PRPF40B: variants seen among roughly 807,000 people sequenced by gnomAD.
PRPF40B encodes pre-mRNA processing factor 40B, also known as pre-mRNA-processing factor 40 homolog B.
In PRPF40B, 56 loss-of-function variants were observed where a neutral mutation model predicts 124.5. That is an observed-to-expected ratio of 0.45 (90% CI 0.36 to 0.56). PRPF40B has a LOEUF of 0.56. PRPF40B is among the 20% of genes least tolerant of loss of function. The pLI, the probability that PRPF40B is intolerant of heterozygous loss-of-function variation, is 0.00. For synonymous variants in PRPF40B, 443 were observed against 426.4 expected (o/e 1.04, Z -0.48); for missense variants, 1,053 against 1,169.5 (o/e 0.90, Z 1.45).
At chr12:49,638,323 G>C (rs1020871996) in intron 18 of PRPF40B, 1 of 153,828 alleles carries the variant, frequency 6.5e-6, no homozygotes, top group Non-Finnish European at 1.4e-5. Flanking sequence ...TAGAAAATCT[G>C]AATCTTTAGC....
rs759164091 is a variant in PRPF40B, at chr12:49,631,170, C to T, written c.85-231C>T. ...CCCTTATTCCTTTCCTTTCCCGTTA[C>T]AATTAAGAAGCTGTGTGCTTGCCTG... is the stretch of plus-strand genomic sequence containing the variant. On this transcript the variant is annotated intron_variant, in intron 2 of 25. Transcript: ENST00000548825. The surrounding 1 kb of genome is among the most constrained non-coding windows in gnomAD (Gnocchi z 4.3). Among the ~76,000 whole-genome samples, 1 of 152,106 alleles carries T rather than the reference C, an allele frequency of 6.6e-6. No individual in the cohort carries two copies. Among genetic ancestry groups the T allele is most frequent in the Non-Finnish European group, 1.5e-5 (1 of 68,040 alleles).
intron 18 of PRPF40B, 140 bp downstream of exon 18, chr12:49,637,964 C>CT: frequency 1.5e-6 from 1 of 661,444 alleles, no homozygotes; most frequent in East Asian, 2.7e-5. Flanking sequence ...TTACTGCACA[C>CT]TAGGGATACA....
intron 23 of PRPF40B, 72 bp downstream of exon 23, chr12:49,643,469 C>A (rs1308622553): frequency 6.6e-7 from 1 of 1,504,214 alleles, no homozygotes; most frequent in Non-Finnish European, 8.9e-7. Flanking sequence ...TCCACAAGCC[C>A]CAGCTCCTTT....
intron 1 of PRPF40B, among the ~76,000 whole-genome samples, chr12:49,628,582 G>A (rs1008137694): frequency 4.2e-5 from 6 of 141,350 alleles, no homozygotes; most frequent in African/African-American, 1.3e-4. Flanking sequence ...TTTTTTTTTG[G>A]AGACGAAATC....
In PRPF40B at chr12:49,642,205, G is replaced by A; in HGVS notation, c.1885-30G>A. The A allele has an allele frequency of 6.2e-7, 1 of 1,614,048 alleles. No individual in the cohort carries two copies. The highest frequency in any genetic ancestry group is 8.5e-7 in the Non-Finnish European group (1 of 1,179,990). ...GGACCTGGCATCCACCCTCCTGGGT[G>A]ACCCTGTTCCGTGTCCCTTCTTTCC... On this transcript the variant is annotated intron_variant, in intron 19 of 25. Coordinates refer to ENST00000548825, the MANE Select transcript of PRPF40B (RefSeq NM_001031698.3). This position sits in a 1 kb window ranked among gnomAD's most constrained non-coding sequence, Gnocchi z 5.8.
chr12:49,643,962 G>C lies in PRPF40B; in HGVS notation c.2544G>C (p.Glu848Asp). The C allele has an allele frequency of 6.2e-7, 1 of 1,614,206 alleles. No individual in the cohort carries two copies. Among genetic ancestry groups the C allele is most frequent in the Non-Finnish European group, 8.5e-7 (1 of 1,180,034 alleles). ...AGGACAGGGAGCTCCAACAGGCAGA[G>C]CTCCCTAACCGTTCCCCAGGCTTTG... ...QDKDRELQQA[E>D]LPNRSPGFGI... is the part of the protein sequence containing the mutation. The change falls in exon 25 of 26, where the codon GAG becomes GAC. Residue 848 changes from glutamate to aspartate, a missense_variant. By Grantham distance (45) the Glu-to-Asp change is conservative. This residue lies in a region of PRPF40B where 895 missense variants were observed against 1,052.2 expected (regional missense o/e 0.85). Transcript: ENST00000548825.
Position 49,630,579 on chromosome 12 carries a change from C to T in PRPF40B, c.38C>T (p.Ala13Val), listed in dbSNP as rs374126585. The change falls in exon 2 of 26, where the codon GCG (alanine) becomes GTG (valine). Residue 13 changes from alanine to valine, a missense_variant. This residue lies in a region of PRPF40B where 158 missense variants were observed against 117.3 expected (regional missense o/e 1.35). Transcript: ENST00000548825. ...GATTCTGGTCCCCGGCCCCCAGCAG[C>T]GCCTGCCCCCTTCCCACCGGGGCCC... is the stretch of plus-strand genomic sequence containing the variant. ...VPDSGPRPPA[A>V]PAPFPPGPPM... The T allele has an allele frequency of 1.4e-5, 20 of 1,426,812 alleles. No homozygotes were observed. Among genetic ancestry groups the T allele is most frequent in the South Asian group, 1.1e-4 (9 of 84,726 alleles). 88.4% of individuals were successfully genotyped at this position (1,426,812 alleles called of 1,614,324 possible).
chr12:49,623,231 C>G (rs1940355619), upstream of PRPF40B, among the ~76,000 whole-genome samples: 1 of 151,944 alleles, frequency 6.6e-6, no homozygotes, highest in African/African-American at 2.4e-5. Flanking sequence ...TGCGTGAACG[C>G]TTCGGCTCCT....
chr12:49,641,904 A>G lies in PRPF40B; in HGVS notation c.1768-4A>G, dbSNP rs1942717720. ...CCCTGCTTCATGCACTGCTGTACCC[A>G]CAGGACCGGGGCTTCTGCGTGGAGG... is the stretch of plus-strand genomic sequence containing the variant. On this transcript the variant is annotated splice_region_variant and splice_polypyrimidine_tract_variant and intron_variant, in intron 18 of 25. Transcript: ENST00000548825. 1 of 1,612,570 alleles carries G rather than the reference A, an allele frequency of 6.2e-7. No homozygotes were observed. The highest frequency in any genetic ancestry group is 8.5e-7 in the Non-Finnish European group (1 of 1,179,892).
chr12:49,629,664 C>A (rs765634043), intron 1 of PRPF40B, among the ~76,000 whole-genome samples: 9 of 152,090 alleles, frequency 5.9e-5, no homozygotes, highest in Non-Finnish European at 1.2e-4. Flanking sequence ...CATATCCAGG[C>A]AAACATAATA....
Position 49,634,565 on chromosome 12 carries a change from C to G in PRPF40B, c.964C>G (p.Gln322Glu). The G allele has an allele frequency of 6.2e-7, 1 of 1,614,210 alleles. No individual in the cohort carries two copies. Among genetic ancestry groups the G allele is most frequent in the Non-Finnish European group, 8.5e-7 (1 of 1,180,026 alleles). Residue 322 changes from glutamine to glutamate, a missense_variant, in exon 12 of 26, where the codon CAG (glutamine) becomes GAG (glutamate). By Grantham distance (29) the Gln-to-Glu change is conservative. Around this residue, in one of 2 missense-constraint regions of PRPF40B, gnomAD observed 895 missense variants for 1,052.2 expected, o/e 0.85. Transcript: ENST00000548825. ...KAVPSNASWE[Q>E]AMKMVVTDPR... Reference sequence around the variant, plus strand: ...TGTCCCCTCCAATGCCTCATGGGAACAGGCCATGAAGATGGTGGTCACCGA... The same window carrying G: ...TGTCCCCTCCAATGCCTCATGGGAAGAGGCCATGAAGATGGTGGTCACCGA...
rs762096751 is a variant in PRPF40B, at chr12:49,643,237, A to C, written c.2220A>C (p.Glu740Asp). The C allele has an allele frequency of 3.1e-6, 5 of 1,614,092 alleles. No homozygotes were observed. The South Asian group carries it at 5.5e-5, about 18-fold the overall frequency. ...GATCTGCCCAGGGCTCTGAGTCAGA[A>C]GAAGAGGAGCTGCCCCCACCATCTC... ...RSHSPSGSES[E>D]EEELPPPSLR... is the part of the protein sequence containing the mutation. Residue 740 changes from glutamate (E) to aspartate (D), a missense_variant, in exon 23 of 26, where the codon GAA becomes GAC. Coordinates refer to ENST00000548825, the MANE Select transcript of PRPF40B (RefSeq NM_001031698.3).
Position 49,631,644 on chromosome 12 carries a change from AG to A in PRPF40B, c.228+103del. The stretch of plus-strand genomic sequence containing the variant: ...GTAGGCCTCAGAAACTGGGGAAGGA[AG>A]GGAGCTTTGGGCCAAACCCATGTGG... On this transcript the variant is annotated intron_variant, in intron 3 of 25. Transcript: ENST00000548825. This position sits in a 1 kb window ranked among gnomAD's most constrained non-coding sequence, Gnocchi z 4.3. 6.9e-7 allele frequency: 1 copy of A among 1,442,030 alleles called. No individual in the cohort carries two copies. Among genetic ancestry groups the A allele is most frequent in the Non-Finnish European group, 9.5e-7 (1 of 1,056,986 alleles). The allele number at this position is 1,442,030 out of a possible 1,614,324, so 89.3% of individuals were successfully genotyped here.
intron 1 of PRPF40B, among the ~76,000 whole-genome samples, chr12:49,627,304 GAAA>G (rs1264630119): frequency 6.6e-6 from 1 of 152,070 alleles, no homozygotes; most frequent in Admixed American, 6.6e-5. Context: ...ATGCCAAATA[GAAA>G]AATAATATAA....
intron 8 of PRPF40B, 22 bp from the exon 9 acceptor site, chr12:49,633,615 G>GAC (rs774118549): frequency 3.7e-5 from 60 of 1,614,136 alleles, no homozygotes; most frequent in Non-Finnish European, 4.7e-5. Context: ...GTGACTGACT[G>GAC]TGTTATCTTT....
rs1323518453 is a variant in PRPF40B at position 49,635,810 on chromosome 12, G to T, written c.1276-33G>T. On this transcript the variant is annotated intron_variant, in intron 14 of 25. Transcript: ENST00000548825. This position sits in a 1 kb window ranked among gnomAD's most constrained non-coding sequence, Gnocchi z 4.1. ...AGGCCTACTTGGGTAGCTCTGGCCT[G>T]CCCTGCCTCACCCTGATCCTGTGGC... 1 of 1,610,946 alleles carries T rather than the reference G, an allele frequency of 6.2e-7. No homozygotes were observed. The highest frequency in any genetic ancestry group is 1.1e-5 in the South Asian group (1 of 90,988).
rs765141072 is a variant in PRPF40B, at chr12:49,644,019, C to A, written c.2586+15C>A. The A allele has an allele frequency of 6.2e-7, 1 of 1,614,104 alleles. No individual in the cohort carries two copies. The highest frequency in any genetic ancestry group is 8.5e-7 in the Non-Finnish European group (1 of 1,180,012). Reference sequence around the variant, plus strand: ...AGAAGGAGAAGGTGAGGGGCAGGGGCCCTAGGCCAGTCAGCACGCTGGTCA... The same window carrying A: ...AGAAGGAGAAGGTGAGGGGCAGGGGACCTAGGCCAGTCAGCACGCTGGTCA... On this transcript the variant is annotated intron_variant, in intron 25 of 25. Transcript: ENST00000548825.
intron 18 of PRPF40B, chr12:49,640,475 C>T (rs1490632842): frequency 1.3e-5 from 2 of 152,202 alleles, no homozygotes; most frequent in African/African-American, 2.4e-5. Context: ...CACTGAGGAC[C>T]AGATGAGTGA....
In PRPF40B at chr12:49,644,245, C is replaced by T. The variant is rs1943050484; in HGVS notation, c.*53C>T. 11 of 1,590,312 alleles carry T rather than the reference C, an allele frequency of 6.9e-6. No homozygotes were observed. The Admixed American group carries it at 1.7e-4, about 24-fold the overall frequency. ...CTGTGTGAGGCCATGGCTCCTGGGC[C>T]ACCCTCACCGTCTGCCTCAGACTTC... On this transcript the variant is annotated 3_prime_UTR_variant, in exon 26 of 26. Transcript: ENST00000548825.
Sources: gnomAD v4.1 joint callset for allele counts (sites outside exome capture counted in the v4.1 genomes callset) on GRCh38, gnomAD v4.1.1 for gene constraint, gnomAD v4.1.1 regional missense constraint, Gnocchi (gnomAD v3.1) non-coding constraint, MANE v1.5 for transcripts, NCBI Gene and HGNC (gene_info 2026-07-23, HGNC 2026-07-21) for gene names.